Variants in KIZ observed in about 807,000 individuals in gnomAD.
KIZ encodes centrosomal protein kizuna.
Under a neutral mutation model 79.6 loss-of-function variants are expected in KIZ, and 68 were observed. The observed-to-expected ratio is 0.85, with a 90% CI of 0.70 to 1.05. The LOEUF is 1.05. Among genes scored for constraint, KIZ ranks in the 50% least tolerant of loss-of-function variants. KIZ has a pLI of 0.00. For missense variants in KIZ, 797 were observed against 800.4 expected, an observed-to-expected ratio of 1.00 and a Z score of 0.05; for synonymous variants, 280 against 281.8, an observed-to-expected ratio of 0.99 and a Z score of 0.06.
At chr20:21,160,793 A>C (rs1455298265) in intron 4 of KIZ, 2 of 152,030 alleles carry the variant, frequency 1.3e-5, no homozygotes, top group African/African-American at 4.8e-5. Flanking sequence ...CATGGGTGGG[A>C]TTAGTTTCTT....
At chr20:21,203,054 C>A (rs1399822076) in intron 6 of KIZ, among the ~76,000 whole-genome samples, 1 of 152,118 alleles carries the variant, frequency 6.6e-6, no homozygotes, top group African/African-American at 2.4e-5. Context: ...CAACAAAATT[C>A]TTCAGTTTAT....
intron 6 of KIZ, chr20:21,194,993 T>G (rs1474429669): frequency 6.6e-6 from 1 of 152,216 alleles, no homozygotes; most frequent in African/African-American, 2.4e-5. Context: ...GAAGTGCAGT[T>G]GCTATTCTCA....
chr20:21,168,636 GC>G (rs960248313), intron 6 of KIZ, among the ~76,000 whole-genome samples: 34 of 152,126 alleles, frequency 2.2e-4, no homozygotes, highest in Admixed American at 8.5e-4. Context: ...TCAATCCTAA[GC>G]CAAAAGAACA....
intron 6 of KIZ, among the ~76,000 whole-genome samples, chr20:21,172,039 G>A (rs1009114388): frequency 6.6e-5 from 10 of 152,196 alleles, no homozygotes; most frequent in Non-Finnish European, 5.9e-5. Context: ...TTGATAATAT[G>A]TGAAACAGAA....
chr20:21,210,090 C>T (rs764555761), intron 7 of KIZ, among the ~76,000 whole-genome samples: 3 of 151,898 alleles, frequency 2.0e-5, no homozygotes, highest in Non-Finnish European at 4.4e-5. Context: ...GGTGGATCAC[C>T]TGAGGTCAGT....
At position 21,208,802 on chromosome 20, in the gene KIZ, G is replaced by A. The variant is rs184118176; in HGVS notation, c.1446+3218G>A. Among the ~76,000 whole-genome samples the A allele has an allele frequency of 1.3e-4, 20 of 152,280 alleles. No homozygotes were observed. In the East Asian group the frequency reaches 3.7e-3, roughly 28 times the overall value. ...AGAATATTACCAAAATGATGCAGGC[G>A]GGGCAAGCCTTGTGAACTGAAGGAC... is the stretch of plus-strand genomic sequence containing the variant. On this transcript the variant is annotated intron_variant, in intron 7 of 12. Coordinates refer to ENST00000619189, the MANE Select transcript of KIZ (RefSeq NM_018474.6).
At chr20:21,199,204 GT>G (rs2035486067) in intron 6 of KIZ, among the ~76,000 whole-genome samples, 1 of 152,182 alleles carries the variant, frequency 6.6e-6, no homozygotes, top group Non-Finnish European at 1.5e-5. Context: ...GATTGTTAGA[GT>G]TTCTCAGCAT....
chr20:21,153,268 G>A (rs545588663), intron 4 of KIZ, among the ~76,000 whole-genome samples: 1 of 152,236 alleles, frequency 6.6e-6, no homozygotes, highest in Non-Finnish European at 1.5e-5. Flanking sequence ...GCCTTACTTT[G>A]ATCCTGGATT....
chr20:21,158,136 T>A (rs866729090), intron 4 of KIZ, among the ~76,000 whole-genome samples: 2 of 152,224 alleles, frequency 1.3e-5, no homozygotes, highest in African/African-American at 4.8e-5. Context: ...TTTTTCCTGT[T>A]TTAAAATTTG....
chr20:21,237,373 C>T (rs965586555), intron 11 of KIZ, among the ~76,000 whole-genome samples: 2 of 151,854 alleles, frequency 1.3e-5, no homozygotes, highest in African/African-American at 2.4e-5. Flanking sequence ...TTAGGTTTTC[C>T]CTCTGTTCTT....
chr20:21,131,185 T>A (rs2031815427), intron 1 of KIZ, among the ~76,000 whole-genome samples: 1 of 152,148 alleles, frequency 6.6e-6, no homozygotes, highest in Admixed American at 6.5e-5. Context: ...AGCCCCCTGG[T>A]TTTGGCTGCC....
intron 11 of KIZ, among the ~76,000 whole-genome samples, chr20:21,236,110 G>GT (rs112622183): frequency 3.1e-4 from 47 of 152,306 alleles, no homozygotes; most frequent in African/African-American, 7.9e-4. Flanking sequence ...TACATACGTT[G>GT]TTTTTTCTGC....
intron 11 of KIZ, among the ~76,000 whole-genome samples, chr20:21,241,561 C>T (rs2037217763): frequency 6.6e-6 from 1 of 152,244 alleles, no homozygotes. Context: ...TCACATTTCA[C>T]TGGGATGTTT....
intron 7 of KIZ, among the ~76,000 whole-genome samples, chr20:21,211,003 A>C (rs975461964): frequency 2.6e-5 from 4 of 152,166 alleles, no homozygotes; most frequent in African/African-American, 9.7e-5. Flanking sequence ...ATTTTGTTGC[A>C]ATCTTTTTAG....
chr20:21,173,786 A>T (rs76709974), intron 6 of KIZ, among the ~76,000 whole-genome samples: 2,387 of 152,204 alleles, frequency 0.016, 61 homozygotes, highest in African/African-American at 0.054. Context: ...TGCCTTTTTG[A>T]CGTTCACAGG....
chr20:21,146,120 G>A (rs1197936734), intron 4 of KIZ, among the ~76,000 whole-genome samples: 4 of 152,154 alleles, frequency 2.6e-5, no homozygotes, highest in African/African-American at 9.7e-5. Context: ...AATAAATTCT[G>A]CTATGTATCT....
chr20:21,175,686 T>A (rs1358437945), intron 6 of KIZ, among the ~76,000 whole-genome samples: 2 of 152,176 alleles, frequency 1.3e-5, no homozygotes, highest in Non-Finnish European at 2.9e-5. Context: ...ATTATACAAC[T>A]GAATGAACCA....
At chr20:21,161,788 C>T (rs1254818355) in intron 4 of KIZ, 83 bp from the exon 5 acceptor site, 4 of 915,484 alleles carry the variant, frequency 4.4e-6, no homozygotes, top group Admixed American at 5.8e-5. Context: ...GTTTGACCTC[C>T]TTTCATTTCT....
intron 6 of KIZ, chr20:21,166,255 T>G (rs1600430150): frequency 6.3e-7 from 1 of 1,598,316 alleles, no homozygotes; most frequent in Non-Finnish European, 8.5e-7. Context: ...TCGTCTTGCT[T>G]CTTCATGGTC....
Sources: gnomAD v4.1 joint callset for allele counts (sites outside exome capture counted in the v4.1 genomes callset) on GRCh38, gnomAD v4.1.1 for gene constraint, MANE v1.5 for transcripts, NCBI Gene and HGNC (gene_info 2026-07-23, HGNC 2026-07-21) for gene names.